Variants in PABPC4L observed in about 807,000 individuals in gnomAD.
The protein encoded by PABPC4L is poly(A) binding protein cytoplasmic 4 like, also known as polyadenylate-binding protein 4-like.
For missense variants in PABPC4L, 452 were observed against 451.4 expected (o/e 1.00, Z -0.01); for synonymous variants, 169 against 164.1 (o/e 1.03, Z -0.23).
the PABPC4L span, among the ~76,000 whole-genome samples, chr4:134,186,218 C>G: frequency 6.6e-6 from 1 of 152,008 alleles, no homozygotes; most frequent in Non-Finnish European, 1.5e-5. Flanking sequence ...AAAAAGAGCC[C>G]ATATTTCCAA....
chr4:134,126,142 G>A, the PABPC4L span, among the ~76,000 whole-genome samples: 1 of 152,084 alleles, frequency 6.6e-6, no homozygotes, highest in Admixed American at 6.6e-5. Flanking sequence ...GAGAGAGAGA[G>A]AGAATGCATC....
the PABPC4L span, among the ~76,000 whole-genome samples, chr4:134,042,458 A>T: frequency 6.6e-6 from 1 of 152,222 alleles, no homozygotes; most frequent in Admixed American, 6.5e-5. Flanking sequence ...TTAAAAAAGT[A>T]ATAACATGTA....
chr4:134,076,960 T>A, the PABPC4L span, among the ~76,000 whole-genome samples: 1 of 152,292 alleles, frequency 6.6e-6, no homozygotes, highest in African/African-American at 2.4e-5. Context: ...TAATTATATT[T>A]CTGTGCTACT....
the PABPC4L span, among the ~76,000 whole-genome samples, chr4:134,032,564 G>A: frequency 6.6e-6 from 1 of 151,746 alleles, no homozygotes; most frequent in East Asian, 1.9e-4. Context: ...CTAAAATATG[G>A]TAATGTGAAA....
the PABPC4L span, among the ~76,000 whole-genome samples, chr4:133,965,382 T>A: frequency 6.6e-6 from 1 of 152,044 alleles, no homozygotes; most frequent in African/African-American, 2.4e-5. Context: ...AGTGTGATAA[T>A]GACCATACTG....
At chr4:134,044,647 C>T in the PABPC4L span, among the ~76,000 whole-genome samples, 1 of 152,050 alleles carries the variant, frequency 6.6e-6, no homozygotes, top group Non-Finnish European at 1.5e-5. Context: ...TTGTCATAGG[C>T]TAGATATGAA....
chr4:133,983,309 T>C, the PABPC4L span, among the ~76,000 whole-genome samples: 1 of 151,932 alleles, frequency 6.6e-6, no homozygotes, highest in Admixed American at 6.6e-5. Flanking sequence ...ATAACATCTA[T>C]ATATATTGTC....
the PABPC4L span, among the ~76,000 whole-genome samples, chr4:133,988,152 G>T: frequency 2.0e-5 from 3 of 152,062 alleles, no homozygotes; most frequent in African/African-American, 4.8e-5. Context: ...ATGATATTCG[G>T]GTGGAGACAC....
At chr4:134,028,959 C>G in the PABPC4L span, among the ~76,000 whole-genome samples, 2 of 152,036 alleles carry the variant, frequency 1.3e-5, no homozygotes, top group African/African-American at 2.4e-5. Context: ...TGTATTTTGA[C>G]TTTTAAAGTT....
chr4:134,111,642 T>C, the PABPC4L span, among the ~76,000 whole-genome samples: 2 of 151,888 alleles, frequency 1.3e-5, no homozygotes, highest in African/African-American at 4.8e-5. Context: ...AACTGAATCA[T>C]GGGGGCCAGT....
the PABPC4L span, among the ~76,000 whole-genome samples, chr4:134,016,863 A>T: frequency 1.3e-5 from 2 of 151,922 alleles, no homozygotes; most frequent in South Asian, 2.1e-4. Context: ...TTTCCTACCC[A>T]TCAAGCTCGG....
chr4:134,049,270 A>T, the PABPC4L span, among the ~76,000 whole-genome samples: 1 of 152,142 alleles, frequency 6.6e-6, no homozygotes, highest in Admixed American at 6.6e-5. Flanking sequence ...GTATTCAAAA[A>T]ACTCACACCA....
chr4:134,048,311 T>A, the PABPC4L span, among the ~76,000 whole-genome samples: 1 of 152,138 alleles, frequency 6.6e-6, no homozygotes, highest in Non-Finnish European at 1.5e-5. Context: ...TCAATAGAAC[T>A]GTAACCATTT....
At chr4:134,189,108 T>C in the PABPC4L span, among the ~76,000 whole-genome samples, 4 of 152,268 alleles carry the variant, frequency 2.6e-5, no homozygotes, top group African/African-American at 9.6e-5. Context: ...TTCATTTCTG[T>C]TACAGTGTTT....
the PABPC4L span, among the ~76,000 whole-genome samples, chr4:134,034,056 A>C: frequency 3.3e-5 from 5 of 151,958 alleles, no homozygotes; most frequent in Non-Finnish European, 7.4e-5. Flanking sequence ...GGGACAGATT[A>C]ACTCTCTTGT....
chr4:134,171,336 G>A, the PABPC4L span, among the ~76,000 whole-genome samples: 1,226 of 152,104 alleles, frequency 8.1e-3, 15 homozygotes, highest in African/African-American at 0.028. Context: ...GGTTGGTCTC[G>A]AACTCCTAAC....
the PABPC4L span, among the ~76,000 whole-genome samples, chr4:134,032,137 T>C: frequency 2.0e-5 from 3 of 151,812 alleles, no homozygotes; most frequent in African/African-American, 7.2e-5. Context: ...AAAGGCCACA[T>C]GTTGATAATG....
At position 134,198,170 on chromosome 4, in the gene PABPC4L, T is replaced by C. The variant is rs1028132910; in HGVS notation, c.*1737A>G. ...TTATTGTGAGCATAAAAGTTGACCA[T>C]AGCATATTGTTTAAGAAAGCAATTT... On this transcript the variant is annotated 3_prime_UTR_variant, in exon 2 of 2. Coordinates refer to ENST00000421491, the MANE Select transcript of PABPC4L (RefSeq NM_001114734.2). 20 of 151,842 alleles carry C rather than the reference T, an allele frequency of 1.3e-4. No individual in the cohort carries two copies. The highest frequency in any genetic ancestry group is 5.8e-4 in the East Asian group (3 of 5,178). 9.4% of individuals were successfully genotyped at this position (151,842 alleles called of 1,614,324 possible). A position where few individuals can be genotyped will look rare whatever the true frequency, so the allele number is the denominator to read the frequency against.
chr4:134,152,742 G>A, the PABPC4L span, among the ~76,000 whole-genome samples: 4 of 152,068 alleles, frequency 2.6e-5, no homozygotes, highest in Non-Finnish European at 5.9e-5. Context: ...GTTTTATGTT[G>A]CTATAAAGAA....
Sources: gnomAD v4.1 joint callset for allele counts (sites outside exome capture counted in the v4.1 genomes callset) on GRCh38, gnomAD v4.1.1 for gene constraint, MANE v1.5 for transcripts, NCBI Gene and HGNC (gene_info 2026-07-23, HGNC 2026-07-21) for gene names.